MAP2K1: variants seen among roughly 807,000 people sequenced by gnomAD.
The protein encoded by MAP2K1 is dual specificity mitogen-activated protein kinase kinase 1.
MAP2K1 carries 16 observed loss-of-function variants against 46.3 expected under a neutral mutation model. The observed-to-expected ratio is 0.35, with a 90% CI of 0.23 to 0.52. The LOEUF is 0.52. MAP2K1 is among the 20% of genes least tolerant of loss of function. The pLI, the probability that MAP2K1 is intolerant of heterozygous loss-of-function variation, is 0.94. For missense variants in MAP2K1, 263 were observed against 497.1 expected (o/e 0.53, Z 4.48); for synonymous variants, 183 against 185.6 (o/e 0.99, Z 0.11).
chr15:66,471,733 A>G (rs1248565013), intron 5 of MAP2K1, among the ~76,000 whole-genome samples: 2 of 152,180 alleles, frequency 1.3e-5, no homozygotes, highest in Non-Finnish European at 2.9e-5. Flanking sequence ...AATTGTATCC[A>G]GGGACTCAAA....
intron 1 of MAP2K1, among the ~76,000 whole-genome samples, chr15:66,412,381 A>C (rs1054394474): frequency 6.6e-6 from 1 of 152,166 alleles, no homozygotes; most frequent in Non-Finnish European, 1.5e-5. Flanking sequence ...CTAAAAACGA[A>C]GTCTTTAGGA....
intron 7 of MAP2K1, 117 bp from the exon 8 acceptor site, chr15:66,487,111 T>G (rs1004919103): frequency 1.2e-6 from 1 of 823,000 alleles, no homozygotes; most frequent in Non-Finnish European, 2.1e-6. Context: ...TGTGGCTGTT[T>G]AATGTTTATT....
chr15:66,413,344 T>C (rs916876241), intron 1 of MAP2K1, among the ~76,000 whole-genome samples: 1 of 152,186 alleles, frequency 6.6e-6, no homozygotes, highest in African/African-American at 2.4e-5. Flanking sequence ...AGCACTGCAT[T>C]TTCCTCAGTG....
At chr15:66,452,836 T>C (rs982668174) in intron 5 of MAP2K1, among the ~76,000 whole-genome samples, 1 of 152,244 alleles carries the variant, frequency 6.6e-6, no homozygotes. Context: ...GATTAAAACC[T>C]TAGCTTTGGT....
At chr15:66,440,537 T>A (rs533037960) in intron 3 of MAP2K1, among the ~76,000 whole-genome samples, 3 of 152,192 alleles carry the variant, frequency 2.0e-5, no homozygotes, top group Non-Finnish European at 4.4e-5. Context: ...GGAGGGAAAT[T>A]GATGCTCTCT....
In MAP2K1 at chr15:66,420,859, GTATA is replaced by G. The variant is rs1286936831; in HGVS notation, c.81-14162_81-14159del. On this transcript the variant is annotated intron_variant, in intron 1 of 10. Transcript: ENST00000307102. ...TATATATGTGTGTATATATATGTGT[GTATA>G]TATATGTGTGTATATATATGTGTAT... Among the ~76,000 whole-genome samples the G allele has an allele frequency of 3.6e-3, 379 of 104,886 alleles. 21 individuals carry two copies. Among genetic ancestry groups the G allele is most frequent in the African/African-American group, 0.012 (360 of 29,916 alleles). 68.8% of individuals were successfully genotyped at this position (104,886 alleles called of 152,430 possible).
At chr15:66,452,306 A>G (rs1260186002) in intron 5 of MAP2K1, among the ~76,000 whole-genome samples, 11 of 139,334 alleles carry the variant, frequency 7.9e-5, no homozygotes, top group East Asian at 6.6e-4. Flanking sequence ...AAAAAAAAGA[A>G]AAAAAAAAGC....
At chr15:66,447,820 G>A (rs1346511210) in intron 5 of MAP2K1, among the ~76,000 whole-genome samples, 1 of 151,886 alleles carries the variant, frequency 6.6e-6, no homozygotes, top group Non-Finnish European at 1.5e-5. Flanking sequence ...TCCATCTCCA[G>A]AACTTTTTTC....
At chr15:66,441,924 C>T (rs1480663314) in intron 3 of MAP2K1, among the ~76,000 whole-genome samples, 2 of 152,144 alleles carry the variant, frequency 1.3e-5, no homozygotes, top group Non-Finnish European at 2.9e-5. Context: ...CTGGCTACAC[C>T]TGAAGCCATA....
intron 5 of MAP2K1, among the ~76,000 whole-genome samples, chr15:66,457,226 C>G (rs1892188066): frequency 6.6e-6 from 1 of 152,240 alleles, no homozygotes; most frequent in African/African-American, 2.4e-5. Context: ...TCAAGAGATT[C>G]TCGTGCCTCA....
At chr15:66,453,459 C>T (rs1437561073) in intron 5 of MAP2K1, 1 of 702,066 alleles carries the variant, frequency 1.4e-6, no homozygotes, top group Admixed American at 2.0e-5. Flanking sequence ...TACAAGTCTT[C>T]TCCAGAAGCC....
intron 5 of MAP2K1, chr15:66,453,341 A>C (rs1892085323): frequency 3.3e-6 from 2 of 613,360 alleles, no homozygotes; most frequent in Non-Finnish European, 5.8e-6. Context: ...CTCTGAACAG[A>C]TGTCTTTGAT....
intron 6 of MAP2K1, 89 bp downstream of exon 6, chr15:66,481,968 G>C: frequency 6.7e-7 from 1 of 1,503,012 alleles, no homozygotes. Context: ...CCAGAGTCTT[G>C]TGCTGGGTAG....
At chr15:66,396,371 C>T (rs2093367535) in intron 1 of MAP2K1, among the ~76,000 whole-genome samples, 1 of 151,588 alleles carries the variant, frequency 6.6e-6, no homozygotes, top group African/African-American at 2.4e-5. Context: ...CTCCGCCTCC[C>T]ACATTTTCCT....
intron 5 of MAP2K1, among the ~76,000 whole-genome samples, chr15:66,465,167 T>C (rs1401496134): frequency 6.6e-6 from 1 of 151,990 alleles, no homozygotes; most frequent in Non-Finnish European, 1.5e-5. Context: ...GAGGTTGCAG[T>C]GAACTGAGAT....
At chr15:66,489,440 A>G in intron 9 of MAP2K1, 164 bp downstream of exon 9, 1 of 731,494 alleles carries the variant, frequency 1.4e-6, no homozygotes, top group South Asian at 1.5e-5. Flanking sequence ...TAGAGTGCCA[A>G]GACTTATGTG....
intron 1 of MAP2K1, among the ~76,000 whole-genome samples, chr15:66,409,509 C>G (rs1162040268): frequency 6.6e-6 from 1 of 152,126 alleles, no homozygotes; most frequent in African/African-American, 2.4e-5. Flanking sequence ...TACATGGCAC[C>G]TGGTGGCTTC....
chr15:66,444,701 C>T lies in MAP2K1; in HGVS notation c.562C>T (p.His188Tyr). 1 of 1,611,706 alleles carries T rather than the reference C, an allele frequency of 6.2e-7. No homozygotes were observed. The highest frequency in any genetic ancestry group is 8.5e-7 in the Non-Finnish European group (1 of 1,177,842). The change falls in exon 5 of 11, where the codon CAC becomes TAC. Residue 188 changes from histidine to tyrosine, a missense_variant. By Grantham distance (83) the His-to-Tyr change is moderately conservative (BLOSUM62 2). Coordinates refer to ENST00000307102, the MANE Select transcript of MAP2K1 (RefSeq NM_002755.4). ...TYLREKHKIM[H>Y]RDVKPSNILV... ...TCTGAGGGAGAAGCACAAGATCATG[C>T]ACAGAGGTAAGAAGTTATTTGCTAG...
At chr15:66,411,106 T>C (rs1232692620) in intron 1 of MAP2K1, among the ~76,000 whole-genome samples, 4 of 152,132 alleles carry the variant, frequency 2.6e-5, no homozygotes, top group Non-Finnish European at 4.4e-5. Flanking sequence ...CTTTTTTTTT[T>C]TGGTCCTTTT....
Sources: gnomAD v4.1 joint callset for allele counts (sites outside exome capture counted in the v4.1 genomes callset) on GRCh38, gnomAD v4.1.1 for gene constraint, MANE v1.5 for transcripts, NCBI Gene and HGNC (gene_info 2026-07-23, HGNC 2026-07-21) for gene names.